Variants in EXOC2 observed in about 807,000 individuals in gnomAD.
The protein encoded by EXOC2 is SEC5-like 1.
In EXOC2, 70 loss-of-function variants were observed where a neutral mutation model predicts 131.8. The ratio of observed to expected loss-of-function variants is 0.53; its 90% CI spans 0.44 to 0.65. The LOEUF (loss-of-function observed/expected upper bound fraction) is 0.65. Among genes scored for constraint, EXOC2 ranks in the 30% least tolerant of loss-of-function variants. The probability of loss-of-function intolerance (pLI) is 0.00; values close to 1 mark genes in which losing one functional copy is unlikely to be tolerated. For missense variants in EXOC2, 923 were observed against 1,108.6 expected (o/e 0.83, Z 2.38); for synonymous variants, 411 against 398.4 (o/e 1.03, Z -0.38).
chr6:489,882 A>G (rs1436893174), intron 26 of EXOC2, among the ~76,000 whole-genome samples: 1 of 152,216 alleles, frequency 6.6e-6, no homozygotes, highest in Non-Finnish European at 1.5e-5. Flanking sequence ...AACAGAGAGA[A>G]AGACTGAAAA....
At chr6:618,410 C>T (rs1761120172) in intron 5 of EXOC2, among the ~76,000 whole-genome samples, 1 of 152,212 alleles carries the variant, frequency 6.6e-6, no homozygotes, top group Non-Finnish European at 1.5e-5. Flanking sequence ...AAACTAAAGA[C>T]AGGCCTCTGT....
intron 17 of EXOC2, among the ~76,000 whole-genome samples, chr6:557,704 C>A (rs1757495000): frequency 6.6e-6 from 1 of 151,330 alleles, no homozygotes; most frequent in Non-Finnish European, 1.5e-5. Context: ...TCATAGAAGG[C>A]CCCCAAGACT....
rs745358029 is a variant in EXOC2, at chr6:617,875, C to CT, written c.537-41_537-40insA. Reference sequence around the variant, plus strand: ...AGAAACCAAAGTTTGACACTTCTAACATGCAAGAAAGAAAAAATAATTCCT... The same window carrying CT: ...AGAAACCAAAGTTTGACACTTCTAACTATGCAAGAAAGAAAAAATAATTCCT... On this transcript the variant is annotated intron_variant, in intron 5 of 27. Transcript: ENST00000230449. 2.5e-6 allele frequency: 4 copies of CT among 1,595,266 alleles called. No homozygotes were observed. The South Asian group carries it at 4.5e-5, about 18-fold the overall frequency.
chr6:600,539 G>A (rs955274168), intron 7 of EXOC2, among the ~76,000 whole-genome samples: 1 of 152,106 alleles, frequency 6.6e-6, no homozygotes, highest in Non-Finnish European at 1.5e-5. Context: ...TATATGTTAG[G>A]TTTGGATGTT....
intron 22 of EXOC2, among the ~76,000 whole-genome samples, chr6:535,883 T>C (rs763762483): frequency 3.3e-5 from 5 of 152,098 alleles, no homozygotes; most frequent in Non-Finnish European, 7.4e-5. Flanking sequence ...AACAAAGACA[T>C]AAAAACCCAA....
Position 592,429 on chromosome 6 carries a change from A to C in EXOC2, c.1192+40T>G, listed in dbSNP as rs376947992. 2.6e-6 allele frequency: 4 copies of C among 1,524,230 alleles called. No individual in the cohort carries two copies. The African/African-American group carries it at 5.5e-5, about 21-fold the overall frequency. The allele number at this position is 1,524,230 out of a possible 1,614,324, so 94.4% of individuals were successfully genotyped here. A position where few individuals can be genotyped will look rare whatever the true frequency, so the allele number is the denominator to read the frequency against. On this transcript the variant is annotated intron_variant, in intron 11 of 27. Transcript: ENST00000230449. ...CATTCCCAGAATGCATCAAAATGAC[A>C]TGAAGGAATCACACAACACATTGGA...
At chr6:625,308 G>A (rs774787703) in intron 4 of EXOC2, among the ~76,000 whole-genome samples, 5 of 152,240 alleles carry the variant, frequency 3.3e-5, no homozygotes, top group African/African-American at 4.8e-5. Flanking sequence ...CACACAGTGA[G>A]GCCTGGCTGC....
Position 598,133 on chromosome 6 carries a change from A to C in EXOC2, c.971-10T>G, listed in dbSNP as rs1355637788. 5.1e-6 allele frequency: 8 copies of C among 1,577,326 alleles called. No homozygotes were observed. Among genetic ancestry groups the C allele is most frequent in the Non-Finnish European group, 6.9e-6 (8 of 1,153,476 alleles). ...TCTACTTCAGCATAATCTATTTAAA[A>C]AGAAAAGAATACACAAGATTTACAG... is the stretch of plus-strand genomic sequence containing the variant. On this transcript the variant is annotated splice_polypyrimidine_tract_variant and intron_variant, in intron 9 of 27. Coordinates refer to ENST00000230449, the MANE Select transcript of EXOC2 (RefSeq NM_018303.6).
intron 6 of EXOC2, among the ~76,000 whole-genome samples, chr6:617,224 A>C (rs1297858364): frequency 6.6e-6 from 1 of 152,214 alleles, no homozygotes. Context: ...AAAATGTCTA[A>C]AGCTATGACA....
At chr6:543,725 A>T (rs1756683230) in intron 22 of EXOC2, among the ~76,000 whole-genome samples, 1 of 152,204 alleles carries the variant, frequency 6.6e-6, no homozygotes, top group Non-Finnish European at 1.5e-5. Flanking sequence ...GAAAAAAAGG[A>T]GCCATTCCCA....
At chr6:568,799 G>C (rs1431148020) in intron 13 of EXOC2, among the ~76,000 whole-genome samples, 1 of 152,110 alleles carries the variant, frequency 6.6e-6, no homozygotes, top group African/African-American at 2.4e-5. Flanking sequence ...TTAAATCAAA[G>C]AAAAGCGTGA....
chr6:618,913 T>C (rs908406834), intron 5 of EXOC2, among the ~76,000 whole-genome samples: 3 of 152,246 alleles, frequency 2.0e-5, no homozygotes, highest in Non-Finnish European at 4.4e-5. Flanking sequence ...AACTTGCTCT[T>C]GTACAGAGTA....
At chr6:622,913 T>C (rs1191416648) in intron 4 of EXOC2, among the ~76,000 whole-genome samples, 1 of 152,216 alleles carries the variant, frequency 6.6e-6, no homozygotes, top group Non-Finnish European at 1.5e-5. Context: ...AAATCTAAAC[T>C]GCTCTCAGTT....
intron 1 of EXOC2, among the ~76,000 whole-genome samples, chr6:691,937 C>T (rs890106426): frequency 3.9e-5 from 6 of 152,172 alleles, no homozygotes; most frequent in Non-Finnish European, 5.9e-5. Flanking sequence ...CTGGGAATCG[C>T]CAACTTTTAG....
At chr6:570,802 T>G (rs1758236352) in intron 13 of EXOC2, among the ~76,000 whole-genome samples, 1 of 152,190 alleles carries the variant, frequency 6.6e-6, no homozygotes, top group Non-Finnish European at 1.5e-5. Context: ...CGTGAAAACC[T>G]ATGAATGCCA....
chr6:643,379 G>C (rs1027615981), intron 1 of EXOC2, among the ~76,000 whole-genome samples: 1 of 151,966 alleles, frequency 6.6e-6, no homozygotes, highest in Admixed American at 6.6e-5. Flanking sequence ...AGATTACAAA[G>C]GAATCTTCGT....
At chr6:613,944 A>G (rs1241764098) in intron 6 of EXOC2, among the ~76,000 whole-genome samples, 1 of 152,128 alleles carries the variant, frequency 6.6e-6, no homozygotes, top group Non-Finnish European at 1.5e-5. Flanking sequence ...ATGTAGCAAC[A>G]CAAGACACAT....
chr6:507,065 C>CACACACACAGCAGTGACTACAT (rs1561794281), intron 23 of EXOC2, among the ~76,000 whole-genome samples: 5 of 128,752 alleles, frequency 3.9e-5, no homozygotes, highest in African/African-American at 1.4e-4. Context: ...GCAGTGATCC[C>CACACACACAGCAGTGACTACAT]ACACACACAC....
intron 19 of EXOC2, 21 bp from the exon 20 acceptor site, chr6:555,309 C>A: frequency 6.7e-7 from 1 of 1,485,298 alleles, no homozygotes; most frequent in South Asian, 1.4e-5. Flanking sequence ...ACATAAGTTT[C>A]AGAACTCTCA....
Sources: allele counts gnomAD v4.1 joint callset (sites outside exome capture counted in the v4.1 genomes callset), GRCh38; gene constraint gnomAD v4.1.1; transcripts MANE v1.5; gene names NCBI Gene and HGNC (gene_info 2026-07-23, HGNC 2026-07-21).